FRMD3: variants seen among roughly 807,000 people sequenced by gnomAD.
The protein encoded by FRMD3 is FERM domain containing 3, also known as FERM domain-containing protein 3.
Under a neutral mutation model 70.2 loss-of-function variants are expected in FRMD3, and 33 were observed. That is an observed-to-expected ratio of 0.47 (90% confidence interval 0.36 to 0.63). The LOEUF is 0.63. Among genes scored for constraint, FRMD3 ranks in the 20% least tolerant of loss-of-function variants. The pLI is 0.00. For synonymous variants in FRMD3, 279 were observed against 255.9 expected (o/e 1.09, Z -0.86); for missense variants, 632 against 711.4 (o/e 0.89, Z 1.27).
At chr9:83,557,389 GA>G in the FRMD3 span, among the ~76,000 whole-genome samples, 1 of 152,032 alleles carries the variant, frequency 6.6e-6, no homozygotes, top group East Asian at 1.9e-4. Context: ...ACAAAGTTAT[GA>G]AAAAAAATTG....
At chr9:83,570,369 C>T in the FRMD3 span, among the ~76,000 whole-genome samples, 6 of 152,158 alleles carry the variant, frequency 3.9e-5, no homozygotes, top group African/African-American at 1.4e-4. Flanking sequence ...TACATAGAAT[C>T]ACAAGAAATT....
At chr9:83,420,181 G>C (rs1447419462) in intron 1 of FRMD3, among the ~76,000 whole-genome samples, 1 of 152,180 alleles carries the variant, frequency 6.6e-6, no homozygotes, top group Non-Finnish European at 1.5e-5. Flanking sequence ...CTGCAGAAAC[G>C]GGATTCTAGC....
rs1357299830 is a variant in FRMD3 at position 83,537,395 on chromosome 9, C to G, written c.147+690G>C. On this transcript the variant is annotated intron_variant, in intron 1 of 13. Transcript: ENST00000304195. This position sits in a 1 kb window ranked among gnomAD's most constrained non-coding sequence, Gnocchi z 4.1. Reference sequence around the variant, plus strand: ...GCTCCCCACTTGCTGGCCTCACAATCCCTTTTCCTTTCTCCGAAACACTCA... The same window carrying G: ...GCTCCCCACTTGCTGGCCTCACAATGCCTTTTCCTTTCTCCGAAACACTCA... Among the ~76,000 whole-genome samples, 2 of 152,196 alleles carry G rather than the reference C, an allele frequency of 1.3e-5. No individual in the cohort carries two copies. Among genetic ancestry groups the G allele is most frequent in the Non-Finnish European group, 2.9e-5 (2 of 68,032 alleles).
intron 1 of FRMD3, among the ~76,000 whole-genome samples, chr9:83,450,353 T>G (rs911914945): frequency 7.2e-6 from 1 of 137,972 alleles, no homozygotes; most frequent in Admixed American, 7.2e-5. Flanking sequence ...CTCAGTTTTT[T>G]TTTTTTTTTT....
the FRMD3 span, among the ~76,000 whole-genome samples, chr9:83,565,045 T>C: frequency 6.6e-6 from 1 of 152,242 alleles, no homozygotes; most frequent in East Asian, 1.9e-4. Flanking sequence ...TGATATTTAA[T>C]TTAATTTTTC....
At chr9:83,504,187 G>A (rs1256365875) in intron 1 of FRMD3, among the ~76,000 whole-genome samples, 1 of 152,110 alleles carries the variant, frequency 6.6e-6, no homozygotes, top group African/African-American at 2.4e-5. Context: ...CATCTCCTGA[G>A]CTTGACTTTC....
At chr9:83,502,838 C>T (rs1375425565) in intron 1 of FRMD3, among the ~76,000 whole-genome samples, 1 of 152,134 alleles carries the variant, frequency 6.6e-6, no homozygotes, top group Non-Finnish European at 1.5e-5. Flanking sequence ...CAGACAGAAA[C>T]ACTAAACACT....
chr9:83,348,546 G>A (rs906747862), intron 4 of FRMD3, among the ~76,000 whole-genome samples: 17 of 152,104 alleles, frequency 1.1e-4, no homozygotes, highest in African/African-American at 4.1e-4. Context: ...ATTAGATGGT[G>A]GGGAGGGTTG....
chr9:83,266,950 G>T, intron 13 of FRMD3: 1 of 1,502,898 alleles, frequency 6.7e-7, no homozygotes, highest in Non-Finnish European at 9.0e-7. Flanking sequence ...CCAGCAGTGA[G>T]CAGGAAGCTG....
At chr9:83,526,707 G>C (rs1402046027) in intron 1 of FRMD3, among the ~76,000 whole-genome samples, 2 of 152,026 alleles carry the variant, frequency 1.3e-5, no homozygotes, top group Non-Finnish European at 2.9e-5. Flanking sequence ...GATGACGGCT[G>C]ATTTTATTTT....
intron 1 of FRMD3, among the ~76,000 whole-genome samples, chr9:83,497,627 G>C (rs1473791352): frequency 6.6e-6 from 1 of 152,180 alleles, no homozygotes; most frequent in East Asian, 1.9e-4. Context: ...ACAACCAATG[G>C]GGTGTGAGCA....
At chr9:83,394,612 A>G (rs1033057699) in intron 1 of FRMD3, among the ~76,000 whole-genome samples, 3 of 152,176 alleles carry the variant, frequency 2.0e-5, no homozygotes, top group Non-Finnish European at 4.4e-5. Context: ...TCTGATGCCC[A>G]CAGTACCTTC....
At chr9:83,433,500 G>A (rs558567962) in intron 1 of FRMD3, among the ~76,000 whole-genome samples, 5 of 152,288 alleles carry the variant, frequency 3.3e-5, no homozygotes, top group African/African-American at 1.2e-4. Context: ...ATTTTTCCAC[G>A]GATCAAGGTG....
intron 13 of FRMD3, among the ~76,000 whole-genome samples, chr9:83,274,424 A>T (rs1268451056): frequency 1.3e-5 from 2 of 152,226 alleles, no homozygotes; most frequent in Non-Finnish European, 2.9e-5. Context: ...TAAACAGAGG[A>T]GAAAACTATT....
rs1297348413 is a variant in FRMD3, at chr9:83,510,896, T to A, written c.147+27189A>T. Among the ~76,000 whole-genome samples the A allele has an allele frequency of 2.0e-5, 3 of 152,320 alleles. No individual in the cohort carries two copies. In the East Asian group the frequency reaches 5.8e-4, roughly 29 times the overall value. On this transcript the variant is annotated intron_variant, in intron 1 of 13. Transcript: ENST00000304195. The stretch of plus-strand genomic sequence containing the variant: ...GAGGGAGTGACAATTAAGATCCATA[T>A]GGGTTTTCTTCTGGAAGGATGAAAT...
intron 1 of FRMD3, among the ~76,000 whole-genome samples, chr9:83,509,895 T>C (rs1254586679): frequency 6.6e-6 from 1 of 152,108 alleles, no homozygotes; most frequent in African/African-American, 2.4e-5. Flanking sequence ...TGGTGTACAG[T>C]GTCTTAAAAA....
chr9:83,500,954 G>C (rs997218593), intron 1 of FRMD3, among the ~76,000 whole-genome samples: 1 of 152,152 alleles, frequency 6.6e-6, no homozygotes, highest in Non-Finnish European at 1.5e-5. Context: ...GCCTAGAAGG[G>C]CTGGCTCTAC....
At chr9:83,519,584 T>C (rs1449851544) in intron 1 of FRMD3, among the ~76,000 whole-genome samples, 1 of 152,224 alleles carries the variant, frequency 6.6e-6, no homozygotes, top group Admixed American at 6.5e-5. Context: ...GACAGTGTGA[T>C]GATTCCTCAA....
intron 1 of FRMD3, among the ~76,000 whole-genome samples, chr9:83,515,935 C>T (rs1829444653): frequency 6.6e-6 from 1 of 152,062 alleles, no homozygotes; most frequent in Admixed American, 6.5e-5. Flanking sequence ...ATTTTGTCAC[C>T]CCCAGGCCTG....
Sources: gnomAD v4.1 joint callset for allele counts (sites outside exome capture counted in the v4.1 genomes callset) on GRCh38, gnomAD v4.1.1 for gene constraint, Gnocchi (gnomAD v3.1) non-coding constraint, MANE v1.5 for transcripts, NCBI Gene and HGNC (gene_info 2026-07-23, HGNC 2026-07-21) for gene names.